The following TULP1 variants were observed in gnomAD, a reference collection of about 807,000 sequenced individuals.
TULP1 encodes TUB like protein 1, also known as tubby-related protein 1.
Under a neutral mutation model 67.1 loss-of-function variants are expected in TULP1, and 50 were observed. The observed-to-expected ratio is 0.75, with a 90% CI of 0.59 to 0.94. The LOEUF is 0.94. TULP1 is among the 40% of genes least tolerant of loss of function. TULP1 has a pLI of 0.00. For synonymous variants in TULP1, 297 were observed against 294.0 expected (o/e 1.01, Z -0.11); for missense variants, 746 against 734.1 (o/e 1.02, Z -0.19).
chr6:35,498,325 G>T lies in TULP1; in HGVS notation c.*2C>A. ...TCTGGGGGCGCTGAGGGGCTGCTGGGGTCACTCGCAGGCCAGCTTCCCGTC... is the reference window on the plus strand; with the variant it reads ...TCTGGGGGCGCTGAGGGGCTGCTGGTGTCACTCGCAGGCCAGCTTCCCGTC... On this transcript the variant is annotated 3_prime_UTR_variant, in exon 15 of 15. Coordinates refer to ENST00000229771, the MANE Select transcript of TULP1 (RefSeq NM_003322.6). This position sits in a 1 kb window ranked among gnomAD's most constrained non-coding sequence, Gnocchi z 6.7. 6.2e-7 allele frequency: 1 copy of T among 1,612,198 alleles called. No homozygotes were observed. The highest frequency in any genetic ancestry group is 2.2e-5 in the East Asian group (1 of 44,820).
intron 11 of TULP1, 24 bp downstream of exon 11, chr6:35,505,717 C>G (rs745830736): frequency 1.2e-6 from 2 of 1,613,552 alleles, no homozygotes; most frequent in Non-Finnish European, 1.7e-6. Flanking sequence ...CAAGTCCCCC[C>G]AGCCCCAGGA....
rs751925497 is a variant in TULP1 at position 35,511,784 on chromosome 6, C to G, written c.213G>C (p.Arg71=). ...KPGAGRTGRP[R]EEPSPDPAQA... is the part of the protein sequence containing the mutation. ...GGGCTGGGTCTGGGGAAGGCTCCTCCCGCGGCCTCCCCGTCCGCCCAGCTG... is the reference window on the plus strand; with the variant it reads ...GGGCTGGGTCTGGGGAAGGCTCCTCGCGCGGCCTCCCCGTCCGCCCAGCTG... Residue 71 remains arginine, a synonymous_variant, in exon 4 of 15, where the codon CGG becomes CGC. Coordinates refer to ENST00000229771, the MANE Select transcript of TULP1 (RefSeq NM_003322.6). 2 of 1,567,470 alleles carry G rather than the reference C, an allele frequency of 1.3e-6. No homozygotes were observed. The highest frequency in any genetic ancestry group is 1.7e-6 in the Non-Finnish European group (2 of 1,156,170).
At chr6:35,509,588 A>G in intron 7 of TULP1, 46 bp downstream of exon 7, 2 of 1,589,772 alleles carry the variant, frequency 1.3e-6, no homozygotes, top group Non-Finnish European at 1.7e-6. Context: ...CCCCGCCCCC[A>G]GGACCACCTC....
At chr6:35,511,963 C>T in intron 3 of TULP1, 157 bp from the exon 4 acceptor site, 1 of 914,446 alleles carries the variant, frequency 1.1e-6, no homozygotes, top group East Asian at 2.7e-5. Flanking sequence ...TTCTCCCCGG[C>T]TTCCATTCAG....
intron 8 of TULP1, among the ~76,000 whole-genome samples, chr6:35,506,861 A>G (rs1156881141): frequency 6.6e-6 from 1 of 152,160 alleles, no homozygotes; most frequent in Non-Finnish European, 1.5e-5. Flanking sequence ...TGTCTCAGGC[A>G]GTGAAGTGGG....
At position 35,503,563 on chromosome 6, in the gene TULP1, C is replaced by T. The variant is rs763677426; in HGVS notation, c.1319G>A (p.Arg440Gln). 10 of 1,569,350 alleles carry T rather than the reference C, an allele frequency of 6.4e-6. No homozygotes were observed. The highest frequency in any genetic ancestry group is 4.7e-5 in the South Asian group (4 of 85,272). The part of the protein sequence containing the change: ...AENERVPIRP[R>Q]NASDGLLVRW... ...CCAGGGAGGTGCGGGGCTCACATTTCGGGGCCGGATGGGGACCCTCTCGTT... is the reference window on the plus strand; with the variant it reads ...CCAGGGAGGTGCGGGGCTCACATTTTGGGGCCGGATGGGGACCCTCTCGTT... Residue 440 changes from arginine (R) to glutamine (Q), a missense_variant, in exon 13 of 15, where the codon CGA (arginine) becomes CAA (glutamine). Physicochemically the swap from Arg to Gln is conservative, Grantham distance 43 (BLOSUM62 1). Around this residue, in one of 3 missense-constraint regions of TULP1, gnomAD observed 383 missense variants for 374.1 expected, o/e 1.02. Transcript: ENST00000229771. The surrounding 1 kb of genome is among the most constrained non-coding windows in gnomAD (Gnocchi z 4.0).
At chr6:35,506,554 G>T (rs1347536532) in intron 8 of TULP1, among the ~76,000 whole-genome samples, 1 of 152,228 alleles carries the variant, frequency 6.6e-6, no homozygotes, top group African/African-American at 2.4e-5. Context: ...TGAGAAGTAG[G>T]TATAGTAGGG....
Position 35,509,309 on chromosome 6 carries a change from G to C in TULP1, c.722C>G (p.Thr241Ser), listed in dbSNP as rs2150927069. 1 of 1,613,990 alleles carries C rather than the reference G, an allele frequency of 6.2e-7. No homozygotes were observed. The change falls in exon 8 of 15, where the codon ACT (threonine) becomes AGT (serine). Residue 241 changes from threonine (T) to serine (S), a missense_variant. By Grantham distance (58) the Thr-to-Ser change is moderately conservative. Coordinates refer to ENST00000229771, the MANE Select transcript of TULP1 (RefSeq NM_003322.6). The stretch of plus-strand genomic sequence containing the variant: ...TTCCTCCTTCCTCGCGCCTTTGGGA[G>C]TGCCTGAGCGTGGAGGGGGAAACAA... Reference protein sequence around the residue: ...PDKKALKKKGTPKGARKEEEE... With the variant: ...PDKKALKKKGSPKGARKEEEE...
At chr6:35,509,147 G>T in intron 8 of TULP1, 62 bp downstream of exon 8, 1 of 1,484,094 alleles carries the variant, frequency 6.7e-7, no homozygotes, top group Non-Finnish European at 9.4e-7. Context: ...AGGCTCCCAA[G>T]TCCAGGCCCC....
At chr6:35,508,447 A>G (rs1761124284) in intron 8 of TULP1, among the ~76,000 whole-genome samples, 1 of 152,142 alleles carries the variant, frequency 6.6e-6, no homozygotes, top group African/African-American at 2.4e-5. Context: ...GTCCCCCTAG[A>G]CCTGACCACT....
At chr6:35,511,148 C>A in intron 4 of TULP1, 138 bp from the exon 5 acceptor site, 1 of 1,519,486 alleles carries the variant, frequency 6.6e-7, no homozygotes, top group Non-Finnish European at 8.8e-7. Context: ...GAACCGGAGA[C>A]CTGGCACCTT....
chr6:35,498,037 C>G lies in TULP1; in HGVS notation c.*290G>C. 1 of 573,154 alleles carries G rather than the reference C, an allele frequency of 1.7e-6. No individual in the cohort carries two copies. The highest frequency in any genetic ancestry group is 2.1e-5 in the South Asian group (1 of 48,686). 35.5% of individuals were successfully genotyped at this position (573,154 alleles called of 1,614,324 possible). A position where few individuals can be genotyped will look rare whatever the true frequency, so the allele number is the denominator to read the frequency against. ...ACTACTGCTCCCGGACAGGAAGTGA[C>G]TGGGGCGCGGGGAGGAGGGGGGCAC... On this transcript the variant is annotated 3_prime_UTR_variant, in exon 15 of 15. Coordinates refer to ENST00000229771, the MANE Select transcript of TULP1 (RefSeq NM_003322.6). This position sits in a 1 kb window ranked among gnomAD's most constrained non-coding sequence, Gnocchi z 6.7.
intron 8 of TULP1, 121 bp downstream of exon 8, chr6:35,509,088 A>T: frequency 1.2e-6 from 1 of 866,140 alleles, no homozygotes; most frequent in Non-Finnish European, 2.0e-6. Context: ...CTGTCACAAG[A>T]GGGGGAGCCA....
In TULP1 at chr6:35,503,292, T is replaced by C; in HGVS notation, c.1323+267A>G. ...GATGTCTTCCAGGTGCCTAGGATAA[T>C]ACTTGGCACTCAATATGTGTGGTCA... On this transcript the variant is annotated intron_variant, in intron 13 of 14. Transcript: ENST00000229771. This position sits in a 1 kb window ranked among gnomAD's most constrained non-coding sequence, Gnocchi z 4.0. 2.1e-6 allele frequency: 1 copy of C among 469,944 alleles called. No homozygotes were observed. Among genetic ancestry groups the C allele is most frequent in the Non-Finnish European group, 3.9e-6 (1 of 254,720 alleles). 29.1% of individuals were successfully genotyped at this position (469,944 alleles called of 1,614,324 possible).
intron 8 of TULP1, among the ~76,000 whole-genome samples, chr6:35,507,036 C>T (rs1561816022): frequency 1.3e-5 from 2 of 151,786 alleles, no homozygotes; most frequent in South Asian, 2.1e-4. Flanking sequence ...TTTGTGTAGT[C>T]TCCTCCCACT....
At chr6:35,501,530 G>T (rs1298927555) in intron 13 of TULP1, among the ~76,000 whole-genome samples, 1 of 39,034 alleles carries the variant, frequency 2.6e-5, no homozygotes, top group East Asian at 6.9e-4. Flanking sequence ...AAAAAAAAAA[G>T]GCTGGGCACA....
Position 35,503,902 on chromosome 6 carries a change from C to G in TULP1, c.1113-54G>C, listed in dbSNP as rs979038421. ...GCTGAGGGGATCCTACATCCCTGCC[C>G]CAGGCCCCTTCCACACAGCCAAGCA... On this transcript the variant is annotated intron_variant, in intron 11 of 14. Transcript: ENST00000229771. The surrounding 1 kb of genome is among the most constrained non-coding windows in gnomAD (Gnocchi z 4.0). 12 of 1,408,428 alleles carry G rather than the reference C, an allele frequency of 8.5e-6. No individual in the cohort carries two copies. The highest frequency in any genetic ancestry group is 1.2e-5 in the Non-Finnish European group (12 of 1,024,542). The allele number at this position is 1,408,428 out of a possible 1,614,324, so 87.2% of individuals were successfully genotyped here.
rs905565899 is a variant in TULP1, at chr6:35,498,871, G to A, written c.1496-411C>T. 1.3e-5 allele frequency among the ~76,000 whole-genome samples: 2 copies of A among 152,076 alleles called. No individual in the cohort carries two copies. Among genetic ancestry groups the A allele is most frequent in the African/African-American group, 4.8e-5 (2 of 41,394 alleles). On this transcript the variant is annotated intron_variant, in intron 14 of 14. Transcript: ENST00000229771. The surrounding 1 kb of genome is among the most constrained non-coding windows in gnomAD (Gnocchi z 6.7). Reference sequence around the variant, plus strand: ...CAGCTCCACCCCTTGACTAGCCCCTGGTTCCCTTCCTCAGCCTCACTGGGC... The same window carrying A: ...CAGCTCCACCCCTTGACTAGCCCCTAGTTCCCTTCCTCAGCCTCACTGGGC...
chr6:35,499,829 G>A, intron 14 of TULP1, 152 bp downstream of exon 14: 2 of 952,112 alleles, frequency 2.1e-6, no homozygotes, highest in Non-Finnish European at 3.4e-6. Flanking sequence ...CAGTGTCAGT[G>A]CCTATGGAGG....
Sources: gnomAD v4.1 joint callset for allele counts (sites outside exome capture counted in the v4.1 genomes callset) on GRCh38, gnomAD v4.1.1 for gene constraint, gnomAD v4.1.1 regional missense constraint, Gnocchi (gnomAD v3.1) non-coding constraint, MANE v1.5 for transcripts, NCBI Gene and HGNC (gene_info 2026-07-23, HGNC 2026-07-21) for gene names.